The following TPD52L1 variants were observed in gnomAD, a reference collection of about 807,000 sequenced individuals.
The protein encoded by TPD52L1 is tumor protein D53.
In TPD52L1, 18 loss-of-function variants were observed where a neutral mutation model predicts 28.7. That is an observed-to-expected ratio of 0.63 (90% confidence interval 0.43 to 0.93). The LOEUF is 0.93. Among genes scored for constraint, TPD52L1 ranks in the 40% least tolerant of loss-of-function variants. TPD52L1 has a pLI of 0.00. For missense variants in TPD52L1, 203 were observed against 254.8 expected, an observed-to-expected ratio of 0.80 and a Z score of 1.39; for synonymous variants, 75 against 88.8, an observed-to-expected ratio of 0.84 and a Z score of 0.88.
intron 1 of TPD52L1, among the ~76,000 whole-genome samples, chr6:125,195,608 G>T (rs1793375998): frequency 6.6e-6 from 1 of 152,156 alleles, no homozygotes; most frequent in Admixed American, 6.5e-5. Flanking sequence ...TGAACAAATT[G>T]CATTGTTGTC....
intron 3 of TPD52L1, among the ~76,000 whole-genome samples, chr6:125,241,103 A>C (rs1796586673): frequency 1.3e-5 from 2 of 151,954 alleles, no homozygotes; most frequent in South Asian, 4.1e-4. Context: ...TTTGTTTTTA[A>C]TTCTGTTTAT....
chr6:125,220,204 T>C lies in TPD52L1; in HGVS notation c.135+11T>C, dbSNP rs755570526. 11 of 1,543,860 alleles carry C rather than the reference T, an allele frequency of 7.1e-6. No individual in the cohort carries two copies. Among genetic ancestry groups the C allele is most frequent in the Non-Finnish European group, 9.9e-6 (11 of 1,116,400 alleles). ...GCAGAGTTAGTTCAGGTATGTTTAG[T>C]AATCTTATTGTTGCTATTTCTATCT... On this transcript the variant is annotated intron_variant, in intron 2 of 6. Transcript: ENST00000534000.
At chr6:125,166,773 T>TAA (rs138251121) in intron 1 of TPD52L1, among the ~76,000 whole-genome samples, 34 of 137,582 alleles carry the variant, frequency 2.5e-4, no homozygotes, top group Middle Eastern at 3.7e-3. Context: ...ATGACTTCTT[T>TAA]AAAAAAAAAA....
chr6:125,204,439 C>G (rs1193493652), intron 1 of TPD52L1, among the ~76,000 whole-genome samples: 1 of 152,074 alleles, frequency 6.6e-6, no homozygotes, highest in Non-Finnish European at 1.5e-5. Context: ...ATATTCAACA[C>G]TTTAAGAAGA....
At chr6:125,201,387 A>C (rs1356895790) in intron 1 of TPD52L1, among the ~76,000 whole-genome samples, 5 of 152,220 alleles carry the variant, frequency 3.3e-5, no homozygotes, top group African/African-American at 9.6e-5. Flanking sequence ...AATAGTATAC[A>C]GTGTGGGTAT....
At chr6:125,223,870 T>A (rs1447785812) in intron 2 of TPD52L1, among the ~76,000 whole-genome samples, 2 of 152,164 alleles carry the variant, frequency 1.3e-5, no homozygotes, top group African/African-American at 4.8e-5. Flanking sequence ...GGAATGTAAT[T>A]AATATTTATA....
chr6:125,223,097 C>G (rs948187391), intron 2 of TPD52L1, among the ~76,000 whole-genome samples: 1 of 152,168 alleles, frequency 6.6e-6, no homozygotes, highest in African/African-American at 2.4e-5. Flanking sequence ...TGAATTAACT[C>G]TTAAACTGGA....
chr6:125,248,757 T>C (rs538760990), intron 4 of TPD52L1, among the ~76,000 whole-genome samples: 106 of 152,312 alleles, frequency 7.0e-4, no homozygotes, highest in African/African-American at 2.5e-3. Flanking sequence ...CTATTCTAGA[T>C]TGCATATTTG....
chr6:125,169,828 G>A (rs73771235), intron 1 of TPD52L1, among the ~76,000 whole-genome samples: 9,498 of 152,124 alleles, frequency 0.062, 576 homozygotes, highest in East Asian at 0.33. Context: ...GAAGTTCTCC[G>A]GTAGTTCTTC....
At chr6:125,164,080 T>C (rs1451892684) in intron 1 of TPD52L1, among the ~76,000 whole-genome samples, 1 of 152,168 alleles carries the variant, frequency 6.6e-6, no homozygotes, top group East Asian at 1.9e-4. Context: ...GGATTTGAAA[T>C]CAGAAAGTTT....
At chr6:125,158,775 T>C (rs939892069) in intron 1 of TPD52L1, among the ~76,000 whole-genome samples, 23 of 152,210 alleles carry the variant, frequency 1.5e-4, no homozygotes, top group African/African-American at 5.3e-4. Context: ...ACCTTGGAGA[T>C]AGTGTGGGTT....
chr6:125,167,489 T>G (rs1316403095), intron 1 of TPD52L1, among the ~76,000 whole-genome samples: 1 of 152,192 alleles, frequency 6.6e-6, no homozygotes, highest in African/African-American at 2.4e-5. Flanking sequence ...AACAGTAGCC[T>G]TCAAAGAAGG....
At chr6:125,205,624 G>A (rs565279726) in intron 1 of TPD52L1, among the ~76,000 whole-genome samples, 2 of 152,224 alleles carry the variant, frequency 1.3e-5, no homozygotes, top group Admixed American at 6.5e-5. Flanking sequence ...ACCTTTAATT[G>A]GTTTGAGCTC....
At chr6:125,172,141 TTTCTTTCTTTCTTTC>T (rs1791395818) in intron 1 of TPD52L1, among the ~76,000 whole-genome samples, 2 of 78,132 alleles carry the variant, frequency 2.6e-5, no homozygotes, top group Non-Finnish European at 4.7e-5. Context: ...TCTTTCTTTC[TTTCTTTCTTTCTTTC>T]TTTTCTTTCT....
chr6:125,210,186 A>G (rs1794403592), intron 1 of TPD52L1, among the ~76,000 whole-genome samples: 1 of 152,218 alleles, frequency 6.6e-6, no homozygotes, highest in South Asian at 2.1e-4. Flanking sequence ...AGAGACCTGT[A>G]TAGCACTTAC....
At chr6:125,191,237 C>T (rs1793018894) in intron 1 of TPD52L1, among the ~76,000 whole-genome samples, 2 of 152,188 alleles carry the variant, frequency 1.3e-5, no homozygotes, top group African/African-American at 4.8e-5. Flanking sequence ...CTCAGTAATA[C>T]TCTTAGCCCA....
intron 1 of TPD52L1, among the ~76,000 whole-genome samples, chr6:125,158,839 G>A (rs1274296690): frequency 3.3e-5 from 5 of 152,130 alleles, no homozygotes; most frequent in Non-Finnish European, 7.3e-5. Context: ...AGTCACACAC[G>A]TTTTTTGGTT....
intron 5 of TPD52L1, among the ~76,000 whole-genome samples, chr6:125,254,736 A>C (rs1305662539): frequency 1.3e-5 from 2 of 152,208 alleles, no homozygotes; most frequent in East Asian, 3.8e-4. Flanking sequence ...TCATGAAGAG[A>C]AATTCTTCCT....
At chr6:125,173,419 T>C (rs1400787995) in intron 1 of TPD52L1, among the ~76,000 whole-genome samples, 1 of 152,200 alleles carries the variant, frequency 6.6e-6, no homozygotes, top group Non-Finnish European at 1.5e-5. Context: ...ATTTTTCTCT[T>C]GATTAAACCC....
Sources: gnomAD v4.1 joint callset for allele counts (sites outside exome capture counted in the v4.1 genomes callset) on GRCh38, gnomAD v4.1.1 for gene constraint, MANE v1.5 for transcripts, NCBI Gene and HGNC (gene_info 2026-07-23, HGNC 2026-07-21) for gene names.